ARHGAP24: variants seen among roughly 807,000 people sequenced by gnomAD.
ARHGAP24 encodes the protein Rho GTPase activating protein 24, also known as rho GTPase-activating protein 24.
Under a neutral mutation model 76.4 loss-of-function variants are expected in ARHGAP24, and 50 were observed. The ratio of observed to expected loss-of-function variants is 0.65; its 90% CI spans 0.52 to 0.83. The LOEUF is 0.83. Ranked by LOEUF, ARHGAP24 falls within the 40% of genes least tolerant of loss-of-function variation. The pLI is 0.00. For missense variants in ARHGAP24, 930 were observed against 914.2 expected (o/e 1.02, Z -0.22); for synonymous variants, 345 against 323.3 (o/e 1.07, Z -0.72).
intron 5 of ARHGAP24, among the ~76,000 whole-genome samples, chr4:85,951,227 A>G (rs2148832472): frequency 6.6e-6 from 1 of 152,296 alleles, no homozygotes; most frequent in South Asian, 2.1e-4. Flanking sequence ...AGAGAATAAC[A>G]TATTTGTGGC....
chr4:85,869,534 G>A (rs1227042393), intron 3 of ARHGAP24, among the ~76,000 whole-genome samples: 1 of 152,082 alleles, frequency 6.6e-6, no homozygotes, highest in Non-Finnish European at 1.5e-5. Flanking sequence ...GGATGGGGTG[G>A]GGGAGGGAGG....
chr4:85,541,953 A>G (rs1242404869), intron 1 of ARHGAP24, among the ~76,000 whole-genome samples: 1 of 152,216 alleles, frequency 6.6e-6, no homozygotes, highest in Non-Finnish European at 1.5e-5. Context: ...TTAGAGTTTT[A>G]TATATGTATT....
At chr4:85,742,242 A>G (rs568292919) in intron 3 of ARHGAP24, among the ~76,000 whole-genome samples, 1 of 152,202 alleles carries the variant, frequency 6.6e-6, no homozygotes, top group South Asian at 2.1e-4. Flanking sequence ...TTCTCCCAGA[A>G]GAGATAGGCA....
At chr4:85,818,445 G>GT (rs1291883686) in intron 3 of ARHGAP24, among the ~76,000 whole-genome samples, 1 of 152,174 alleles carries the variant, frequency 6.6e-6, no homozygotes, top group Non-Finnish European at 1.5e-5. Context: ...TATAATTAGT[G>GT]TTTTTTTCTT....
chr4:85,530,518 C>A (rs958025975), intron 1 of ARHGAP24, among the ~76,000 whole-genome samples: 6 of 151,932 alleles, frequency 3.9e-5, no homozygotes, highest in African/African-American at 1.2e-4. Context: ...TTTTTCAGGA[C>A]AAAGGTATTT....
chr4:85,553,019 C>T (rs1726205116), intron 1 of ARHGAP24, among the ~76,000 whole-genome samples: 1 of 152,030 alleles, frequency 6.6e-6, no homozygotes, highest in East Asian at 1.9e-4. Flanking sequence ...TCCAGAGTTG[C>T]TCATTCCTCC....
At chr4:85,953,237 C>A (rs902075032) in intron 5 of ARHGAP24, among the ~76,000 whole-genome samples, 1 of 152,164 alleles carries the variant, frequency 6.6e-6, no homozygotes, top group Non-Finnish European at 1.5e-5. Context: ...CCCCCAGCTG[C>A]CCACCCACAT....
intron 3 of ARHGAP24, among the ~76,000 whole-genome samples, chr4:85,854,848 A>G (rs992904089): frequency 6.6e-6 from 1 of 152,192 alleles, no homozygotes; most frequent in Non-Finnish European, 1.5e-5. Context: ...CCAGCACCTA[A>G]CAGGCAGAAT....
chr4:85,604,140 G>A (rs537729376), intron 2 of ARHGAP24: 1 of 152,306 alleles, frequency 6.6e-6, no homozygotes, highest in East Asian at 1.9e-4. Context: ...CTGTTTTTCA[G>A]TAACAGGCTT....
intron 1 of ARHGAP24, among the ~76,000 whole-genome samples, chr4:85,520,563 A>G (rs985077084): frequency 6.6e-6 from 1 of 152,020 alleles, no homozygotes; most frequent in African/African-American, 2.4e-5. Context: ...TGATGGGGGG[A>G]AGGAAATTTC....
chr4:85,917,889 T>C (rs1735511747), intron 3 of ARHGAP24, among the ~76,000 whole-genome samples: 1 of 152,156 alleles, frequency 6.6e-6, no homozygotes, highest in African/African-American at 2.4e-5. Context: ...AGTATAATTT[T>C]TAGAAAAGTA....
intron 2 of ARHGAP24, among the ~76,000 whole-genome samples, chr4:85,623,643 T>C (rs891323565): frequency 2.0e-5 from 3 of 151,854 alleles, no homozygotes; most frequent in African/African-American, 7.3e-5. Context: ...CATTGGTAGC[T>C]TGATGGGGAT....
intron 2 of ARHGAP24, among the ~76,000 whole-genome samples, chr4:85,683,278 G>A (rs1723295761): frequency 6.6e-6 from 1 of 152,104 alleles, no homozygotes; most frequent in African/African-American, 2.4e-5. Context: ...CTTTCCATCT[G>A]TCAGCACAGG....
In ARHGAP24 at chr4:85,972,208, G is replaced by A. The variant is rs2148851406; in HGVS notation, c.732+40G>A. 7 of 1,609,876 alleles carry A rather than the reference G, an allele frequency of 4.3e-6. No individual in the cohort carries two copies. The South Asian group carries it at 5.5e-5, about 13-fold the overall frequency. On this transcript the variant is annotated intron_variant, in intron 6 of 9. Transcript: ENST00000395184. ...TTATTTCCAAATAAGCTTTTGTTTGGAATTTTTTTCTGTGTTCTTAGTCTT... is the reference window on the plus strand; with the variant it reads ...TTATTTCCAAATAAGCTTTTGTTTGAAATTTTTTTCTGTGTTCTTAGTCTT...
At chr4:85,740,569 T>C (rs1265659056) in intron 3 of ARHGAP24, among the ~76,000 whole-genome samples, 1 of 152,218 alleles carries the variant, frequency 6.6e-6, no homozygotes, top group Non-Finnish European at 1.5e-5. Context: ...CTGAATTTAA[T>C]AGTTTGTTTA....
At chr4:85,823,914 T>C (rs972961519) in intron 3 of ARHGAP24, among the ~76,000 whole-genome samples, 1 of 142,526 alleles carries the variant, frequency 7.0e-6, no homozygotes. Context: ...CTGAAACCAC[T>C]TAAATGTATT....
chr4:85,992,346 A>G (rs1047899312), intron 8 of ARHGAP24, among the ~76,000 whole-genome samples: 1 of 135,148 alleles, frequency 7.4e-6, no homozygotes, highest in African/African-American at 3.1e-5. Flanking sequence ...GCTTCCCAAG[A>G]TACAAGAGAG....
In ARHGAP24 at chr4:85,716,571, G is replaced by T. The variant is rs181746660; in HGVS notation, c.181-5314G>T. Among the ~76,000 whole-genome samples the T allele has an allele frequency of 1.0e-3, 157 of 152,162 alleles. 1 individual carries two copies. The highest frequency in any genetic ancestry group is 0.01 in the Middle Eastern group (3 of 294). On this transcript the variant is annotated intron_variant, in intron 2 of 9. Coordinates refer to ENST00000395184, the MANE Select transcript of ARHGAP24 (RefSeq NM_001025616.3). ...TCTCTGATCATCCAAAGTTTGCCATGAGGCATACTGAACATCAAGGGATAA... is the reference window on the plus strand; with the variant it reads ...TCTCTGATCATCCAAAGTTTGCCATTAGGCATACTGAACATCAAGGGATAA...
rs1737895793 is a variant in ARHGAP24, at chr4:85,956,278, G to C, written c.599+14005G>C. 5.9e-5 allele frequency among the ~76,000 whole-genome samples: 9 copies of C among 152,286 alleles called. No homozygotes were observed. The South Asian group carries it at 1.9e-3, about 32-fold the overall frequency. ...CTAGCCCCTAAAATCCTGAATAGCT[G>C]TTTATTTACAGTAACTCTTAACGTT... On this transcript the variant is annotated intron_variant, in intron 5 of 9. Transcript: ENST00000395184.
Sources: gnomAD v4.1 joint callset for allele counts (sites outside exome capture counted in the v4.1 genomes callset) on GRCh38, gnomAD v4.1.1 for gene constraint, MANE v1.5 for transcripts, NCBI Gene and HGNC (gene_info 2026-07-23, HGNC 2026-07-21) for gene names.